DCC: variants seen among roughly 807,000 people sequenced by gnomAD.
DCC encodes DCC netrin 1 receptor, also known as netrin receptor DCC.
Under a neutral mutation model 172.5 loss-of-function variants are expected in DCC, and 58 were observed. That is an observed-to-expected ratio of 0.34 (90% CI 0.27 to 0.42). DCC has a LOEUF of 0.42. DCC is among the 10% of genes least tolerant of loss of function. The pLI, the probability that DCC is intolerant of heterozygous loss-of-function variation, is 1.00. For synonymous variants in DCC, 709 were observed against 644.5 expected, an observed-to-expected ratio of 1.10 and a Z score of -1.52; for missense variants, 1,740 against 1,791.0, an observed-to-expected ratio of 0.97 and a Z score of 0.51.
At chr18:52,625,772 C>T (rs1368142245) in intron 1 of DCC, among the ~76,000 whole-genome samples, 2 of 152,154 alleles carry the variant, frequency 1.3e-5, no homozygotes, top group East Asian at 1.9e-4. Flanking sequence ...AGATTTTCAC[C>T]TCCATCACTT....
At chr18:53,288,023 C>T (rs887971133) in intron 12 of DCC, among the ~76,000 whole-genome samples, 45 of 152,032 alleles carry the variant, frequency 3.0e-4, no homozygotes, top group Middle Eastern at 6.8e-3. Context: ...CTTGCAATAC[C>T]GTCATGTAAA....
intron 26 of DCC, among the ~76,000 whole-genome samples, chr18:53,489,936 A>T (rs1286598960): frequency 6.6e-6 from 1 of 152,186 alleles, no homozygotes; most frequent in Non-Finnish European, 1.5e-5. Flanking sequence ...TGAAAACTTC[A>T]ACCAATAGAT....
At chr18:53,047,450 T>A (rs2042266678) in intron 5 of DCC, among the ~76,000 whole-genome samples, 1 of 102,212 alleles carries the variant, frequency 9.8e-6, no homozygotes. Flanking sequence ...TATATATATA[T>A]ATATATATAT....
At chr18:53,477,777 T>TGGGG (rs2045783662) in intron 25 of DCC, among the ~76,000 whole-genome samples, 7 of 152,196 alleles carry the variant, frequency 4.6e-5, no homozygotes, top group Admixed American at 1.3e-4. Flanking sequence ...TTATATGGCA[T>TGGGG]ATGCTACTCC....
chr18:53,292,807 TTAAG>T (rs1317616065), intron 12 of DCC, among the ~76,000 whole-genome samples: 5 of 152,350 alleles, frequency 3.3e-5, no homozygotes, highest in South Asian at 2.1e-4. Flanking sequence ...TGCAATCAGA[TTAAG>T]TATTTATGAA....
chr18:52,612,957 G>A (rs747689731), intron 1 of DCC, among the ~76,000 whole-genome samples: 6 of 152,076 alleles, frequency 3.9e-5, no homozygotes, highest in East Asian at 1.9e-4. Flanking sequence ...CTCAAAGTTC[G>A]TCTTTTGCTT....
At chr18:52,866,240 C>G (rs1054299632) in intron 2 of DCC, among the ~76,000 whole-genome samples, 1 of 152,096 alleles carries the variant, frequency 6.6e-6, no homozygotes, top group Non-Finnish European at 1.5e-5. Context: ...GTGTTCTGTT[C>G]CATTGATCTA....
intron 20 of DCC, among the ~76,000 whole-genome samples, chr18:53,411,361 A>G (rs1398931264): frequency 1.3e-5 from 2 of 152,174 alleles, no homozygotes. Context: ...TAACAATTGA[A>G]TAATTTGTAA....
chr18:52,678,742 A>G (rs983101147), intron 1 of DCC, among the ~76,000 whole-genome samples: 2 of 152,152 alleles, frequency 1.3e-5, no homozygotes, highest in Non-Finnish European at 2.9e-5. Flanking sequence ...CGAAAGATTT[A>G]ATTAACCTTT....
At chr18:53,017,120 G>A (rs893212032) in intron 5 of DCC, among the ~76,000 whole-genome samples, 1 of 141,868 alleles carries the variant, frequency 7.0e-6, no homozygotes, top group African/African-American at 2.7e-5. Flanking sequence ...CTGTTACCCA[G>A]GCTGGAGTGC....
intron 25 of DCC, among the ~76,000 whole-genome samples, chr18:53,471,313 A>G (rs750752930): frequency 6.6e-5 from 10 of 152,212 alleles, no homozygotes; most frequent in East Asian, 1.9e-4. Context: ...AAACAATCCA[A>G]TTATACTCTT....
chr18:53,325,142 G>A (rs1334594740), intron 14 of DCC, among the ~76,000 whole-genome samples: 15 of 141,578 alleles, frequency 1.1e-4, no homozygotes, highest in East Asian at 6.2e-4. Context: ...GCAGTGAGCC[G>A]AGATTGTGCC....
chr18:53,142,506 G>C (rs2043846097), intron 7 of DCC, among the ~76,000 whole-genome samples: 1 of 152,078 alleles, frequency 6.6e-6, no homozygotes, highest in African/African-American at 2.4e-5. Context: ...TCTTCATGGA[G>C]TCTACTCTTT....
rs1316452152 is a variant in DCC, at chr18:53,467,915, G to A, written c.3641G>A (p.Gly1214Glu). Residue 1214 changes from glycine (G) to glutamate (E), a missense_variant, in exon 25 of 29, where the codon GGG becomes GAG. Gly to Glu is a moderately conservative substitution (Grantham distance 98). Coordinates refer to ENST00000442544, the MANE Select transcript of DCC (RefSeq NM_005215.4). ...TTAGGTCAAGACACTGAGGAAGCAG[G>A]GAGCTCTATGTCCACTCTGGAGAGG... ...SHSGQDTEEAGSSMSTLERSL... is the reference protein window; with the variant it reads ...SHSGQDTEEAESSMSTLERSL... 1 of 1,607,232 alleles carries A rather than the reference G, an allele frequency of 6.2e-7. No individual in the cohort carries two copies. Among genetic ancestry groups the A allele is most frequent in the South Asian group, 1.1e-5 (1 of 90,978 alleles).
intron 12 of DCC, among the ~76,000 whole-genome samples, chr18:53,259,385 A>G (rs888511546): frequency 1.3e-5 from 2 of 151,944 alleles, no homozygotes; most frequent in East Asian, 3.9e-4. Flanking sequence ...TTCCTTCAGG[A>G]GCTCTTTTAG....
Position 53,397,436 on chromosome 18 carries a change from G to A in DCC, c.2817G>A (p.Thr939=), listed in dbSNP as rs775173653. ...GGAGCATGACTGCACATGCCACCAC[G>A]TATGAAGCAGGTATGTGAGGAAATG... ...STWSMTAHAT[T]YEAAPTSAPK... is the part of the protein sequence containing the mutation. The change falls in exon 18 of 29, where the codon ACG becomes ACA. Residue 939 remains threonine (T), a synonymous_variant. Transcript: ENST00000442544. The A allele has an allele frequency of 2.4e-5, 39 of 1,613,822 alleles. No individual in the cohort carries two copies. Among genetic ancestry groups the A allele is most frequent in the Admixed American group, 3.3e-5 (2 of 59,992 alleles).
In DCC at chr18:53,533,508, T is replaced by C. The variant is rs1209407258; in HGVS notation, c.*2855T>C. The C allele has an allele frequency of 1.3e-5, 2 of 152,220 alleles. No individual in the cohort carries two copies. Among genetic ancestry groups the C allele is most frequent in the Non-Finnish European group, 2.9e-5 (2 of 68,032 alleles). 9.4% of individuals were successfully genotyped at this position (152,220 alleles called of 1,614,324 possible). On this transcript the variant is annotated 3_prime_UTR_variant, in exon 29 of 29. Transcript: ENST00000442544. ...AAAAAATGGTATTTTTCTTTAAATTTCACCCTAATAAGAAAGCTATTTTCT... is the reference window on the plus strand; with the variant it reads ...AAAAAATGGTATTTTTCTTTAAATTCCACCCTAATAAGAAAGCTATTTTCT...
chr18:52,518,892 T>C (rs556123975), intron 1 of DCC, among the ~76,000 whole-genome samples: 2 of 152,298 alleles, frequency 1.3e-5, no homozygotes, highest in East Asian at 3.9e-4. Flanking sequence ...CACCTTACCC[T>C]TCTCTCAGGC....
intron 2 of DCC, among the ~76,000 whole-genome samples, chr18:52,853,251 G>C (rs2039004505): frequency 6.6e-6 from 1 of 152,156 alleles, no homozygotes; most frequent in Non-Finnish European, 1.5e-5. Context: ...GCCTGGCACA[G>C]AGCTGGGCAC....
Sources: allele counts gnomAD v4.1 joint callset (sites outside exome capture counted in the v4.1 genomes callset), GRCh38; gene constraint gnomAD v4.1.1; transcripts MANE v1.5; gene names NCBI Gene and HGNC (gene_info 2026-07-23, HGNC 2026-07-21).